Variants in EXT2 observed in about 807,000 individuals in gnomAD.
The protein encoded by EXT2 is exostosin-2.
In EXT2, 53 loss-of-function variants were observed where a neutral mutation model predicts 81.6. The ratio of observed to expected loss-of-function variants is 0.65; its 90% CI spans 0.52 to 0.82. The LOEUF is 0.82. Ranked by LOEUF, EXT2 falls within the 40% of genes least tolerant of loss-of-function variation. EXT2 has a pLI of 0.00. For missense variants in EXT2, 774 were observed against 910.2 expected (o/e 0.85, Z 1.93); for synonymous variants, 320 against 340.0 (o/e 0.94, Z 0.65).
At chr11:44,102,213 T>C (rs1263574299) in intron 1 of EXT2, among the ~76,000 whole-genome samples, 1 of 152,172 alleles carries the variant, frequency 6.6e-6, no homozygotes, top group East Asian at 1.9e-4. Flanking sequence ...GTATAATATT[T>C]AGACCTTTAT....
At chr11:44,122,720 G>A (rs572263348) in intron 4 of EXT2, among the ~76,000 whole-genome samples, 24 of 152,190 alleles carry the variant, frequency 1.6e-4, no homozygotes, top group Admixed American at 3.9e-4. Flanking sequence ...TCCACTTACC[G>A]TCATCCTGGC....
intron 4 of EXT2, chr11:44,116,969 C>CTT (rs555225810): frequency 1.1e-3 from 150 of 137,582 alleles, no homozygotes; most frequent in African/African-American, 3.1e-3. Flanking sequence ...TTTTCACTTT[C>CTT]TTTTTTTTTT....
chr11:44,096,157 T>G, intron 1 of EXT2: 1 of 1,231,582 alleles, frequency 8.1e-7, no homozygotes, highest in Non-Finnish European at 1.2e-6. Context: ...GCTCCTTCCT[T>G]TCCTCCTGCG....
At chr11:44,096,332 G>A in intron 1 of EXT2, 1 of 1,535,540 alleles carries the variant, frequency 6.5e-7, no homozygotes, top group Non-Finnish European at 8.7e-7. Context: ...GTAGGGAAGG[G>A]GCCAGGGGCA....
At chr11:44,134,887 G>A (rs1315718377) in intron 7 of EXT2, among the ~76,000 whole-genome samples, 1 of 152,172 alleles carries the variant, frequency 6.6e-6, no homozygotes, top group Non-Finnish European at 1.5e-5. Context: ...CTTTGAGGTG[G>A]CAGAAACATT....
intron 12 of EXT2, among the ~76,000 whole-genome samples, chr11:44,234,648 G>A (rs1285823178): frequency 1.3e-5 from 2 of 151,452 alleles, no homozygotes; most frequent in East Asian, 1.9e-4. Context: ...ATACAGTTAT[G>A]TAACTGTAGC....
intron 11 of EXT2, among the ~76,000 whole-genome samples, 163 bp from the exon 12 acceptor site, chr11:44,233,952 A>T (rs1399540767): frequency 6.6e-6 from 1 of 152,218 alleles, no homozygotes; most frequent in Non-Finnish European, 1.5e-5. Context: ...TCACTTGACC[A>T]AAAGCATTCT....
At chr11:44,186,995 T>TTCCTTCCTTCCG (rs1955321099) in intron 8 of EXT2, among the ~76,000 whole-genome samples, 2 of 112,048 alleles carry the variant, frequency 1.8e-5, no homozygotes, top group Non-Finnish European at 3.6e-5. Flanking sequence ...CCTTCCTTCC[T>TTCCTTCCTTCCG]TCCTTCCTTC....
chr11:44,205,165 A>C (rs1955567641), intron 9 of EXT2, among the ~76,000 whole-genome samples: 1 of 152,206 alleles, frequency 6.6e-6, no homozygotes, highest in South Asian at 2.1e-4. Context: ...ACTAGTTTGT[A>C]AATAATTCCT....
At chr11:44,235,225 CTTTTTTTTT>C (rs35214626) in intron 12 of EXT2, among the ~76,000 whole-genome samples, 1 of 50,768 alleles carries the variant, frequency 2.0e-5, no homozygotes, top group African/African-American at 9.1e-5. Flanking sequence ...CCCAAATTTG[CTTTTTTTTT>C]TTTTTTTTTT....
At chr11:44,165,173 C>T (rs1300075578) in intron 7 of EXT2, among the ~76,000 whole-genome samples, 2 of 152,172 alleles carry the variant, frequency 1.3e-5, no homozygotes, top group Non-Finnish European at 2.9e-5. Flanking sequence ...CCACCGCGCC[C>T]GGCCCACACT....
At chr11:44,171,388 T>C (rs911825239) in intron 7 of EXT2, among the ~76,000 whole-genome samples, 2 of 152,244 alleles carry the variant, frequency 1.3e-5, no homozygotes, top group African/African-American at 4.8e-5. Flanking sequence ...TTGAATCCAA[T>C]GTGCATTTCA....
In EXT2 at chr11:44,124,852, A is replaced by G. The variant is rs527905794; in HGVS notation, c.807A>G (p.Leu269=). 1.2e-6 allele frequency: 2 copies of G among 1,614,074 alleles called. No individual in the cohort carries two copies. Among genetic ancestry groups the G allele is most frequent in the African/African-American group, 1.3e-5 (1 of 75,022 alleles). Residue 269 remains leucine, a synonymous_variant, in exon 5 of 14, where the codon CTA becomes CTG. Coordinates refer to ENST00000533608, the MANE Select transcript of EXT2 (RefSeq NM_207122.2). ...TCCATCCTGAGTACAGAGAGGACCTAGAAGCCCTCCAGGTCAAACATGGAG... is the reference window on the plus strand; with the variant it reads ...TCCATCCTGAGTACAGAGAGGACCTGGAAGCCCTCCAGGTCAAACATGGAG... ...VGLHPEYRED[L]EALQVKHGES...
intron 8 of EXT2, among the ~76,000 whole-genome samples, chr11:44,181,332 G>T (rs1231863362): frequency 6.6e-6 from 1 of 152,080 alleles, no homozygotes. Flanking sequence ...AAAATTTTAT[G>T]ATGATACGCC....
chr11:44,111,850 A>T (rs1395741658), intron 3 of EXT2, among the ~76,000 whole-genome samples: 2 of 152,216 alleles, frequency 1.3e-5, no homozygotes, highest in East Asian at 3.8e-4. Context: ...TGCATGATAC[A>T]GCCTTTTCAA....
At chr11:44,099,427 C>T (rs1034627092) in intron 1 of EXT2, among the ~76,000 whole-genome samples, 5 of 152,220 alleles carry the variant, frequency 3.3e-5, no homozygotes, top group Non-Finnish European at 4.4e-5. Flanking sequence ...TCTTGTGATT[C>T]GCCCGCCTCC....
chr11:44,099,073 C>T (rs1016651526), intron 1 of EXT2, among the ~76,000 whole-genome samples: 66 of 152,266 alleles, frequency 4.3e-4, no homozygotes, highest in African/African-American at 1.6e-3. Flanking sequence ...GCAGTCATGG[C>T]TCACTGCAGC....
chr11:44,207,134 A>G (rs939784097), intron 10 of EXT2, among the ~76,000 whole-genome samples, 175 bp downstream of exon 10: 7 of 152,230 alleles, frequency 4.6e-5, no homozygotes, highest in African/African-American at 1.7e-4. Context: ...TCTTTGAAGC[A>G]CTGGAGAAAC....
chr11:44,175,289 G>T (rs1955142845), intron 8 of EXT2, among the ~76,000 whole-genome samples: 4 of 152,156 alleles, frequency 2.6e-5, no homozygotes, highest in Admixed American at 2.6e-4. Flanking sequence ...GAATTTGGTT[G>T]CATGAGGAGT....
Sources: gnomAD v4.1 joint callset for allele counts (sites outside exome capture counted in the v4.1 genomes callset) on GRCh38, gnomAD v4.1.1 for gene constraint, MANE v1.5 for transcripts, NCBI Gene and HGNC (gene_info 2026-07-23, HGNC 2026-07-21) for gene names.